Variants in CCDC171 observed in about 807,000 individuals in gnomAD.
CCDC171 encodes coiled-coil domain-containing protein 171.
CCDC171 carries 177 observed loss-of-function variants against 168.2 expected under a neutral mutation model. The ratio of observed to expected loss-of-function variants is 1.05; its 90% CI spans 0.93 to 1.19. The LOEUF is 1.19. Ranked by LOEUF, CCDC171 falls within the 50% of genes most tolerant of loss-of-function variation. The probability of loss-of-function intolerance (pLI) is 0.00; values close to 1 mark genes in which losing one functional copy is unlikely to be tolerated. For missense variants in CCDC171, 1,991 were observed against 1,539.0 expected (o/e 1.29, Z -4.91); for synonymous variants, 687 against 540.8 (o/e 1.27, Z -3.75).
chr9:15,611,428 G>T (rs1564047190), intron 6 of CCDC171, among the ~76,000 whole-genome samples: 1 of 152,166 alleles, frequency 6.6e-6, no homozygotes, highest in Non-Finnish European at 1.5e-5. Context: ...CTCTTTGGAT[G>T]TGGAGCCCTT....
At chr9:16,042,143 A>G (rs1037390224), upstream of CCDC171, among the ~76,000 whole-genome samples, 1 of 152,214 alleles carries the variant, frequency 6.6e-6, no homozygotes, top group African/African-American at 2.4e-5. Context: ...TTGCGAAGCT[A>G]GTGGTATCCA....
chr9:15,808,365 G>A (rs1242742817), intron 21 of CCDC171, among the ~76,000 whole-genome samples: 1 of 152,162 alleles, frequency 6.6e-6, no homozygotes, highest in Non-Finnish European at 1.5e-5. Context: ...ACATGAGTTT[G>A]CATTGTTTTT....
intron 21 of CCDC171, among the ~76,000 whole-genome samples, chr9:15,809,057 A>C (rs763465150): frequency 6.6e-6 from 1 of 152,192 alleles, no homozygotes; most frequent in African/African-American, 2.4e-5. Flanking sequence ...GTGCTCGTCC[A>C]TGATGGTTTA....
At position 15,623,342 on chromosome 9, in the gene CCDC171, C is replaced by G. The variant is rs767579990; in HGVS notation, c.751C>G (p.Leu251Val). Residue 251 changes from leucine (L) to valine (V), a missense_variant, in exon 7 of 26, where the codon CTT becomes GTT. Coordinates refer to ENST00000380701, the MANE Select transcript of CCDC171 (RefSeq NM_173550.4). ...LETEHMDCSDLLRRQTSELEF... is the reference protein window; with the variant it reads ...LETEHMDCSDVLRRQTSELEF... Reference sequence around the variant, plus strand: ...AACAGAACATATGGACTGCTCTGACCTTTTACGGCGACAAACAAGTGAACT... The same window carrying G: ...AACAGAACATATGGACTGCTCTGACGTTTTACGGCGACAAACAAGTGAACT... 5.6e-6 allele frequency: 9 copies of G among 1,611,568 alleles called. No homozygotes were observed. Among genetic ancestry groups the G allele is most frequent in the South Asian group, 2.2e-5 (2 of 90,688 alleles).
At chr9:15,949,728 A>G (rs918465799) in intron 25 of CCDC171, among the ~76,000 whole-genome samples, 1 of 152,090 alleles carries the variant, frequency 6.6e-6, no homozygotes, top group Non-Finnish European at 1.5e-5. Flanking sequence ...GGTTTTCTAG[A>G]TATACAATCA....
intron 21 of CCDC171, among the ~76,000 whole-genome samples, chr9:15,824,003 C>G (rs536476065): frequency 1.3e-5 from 2 of 152,198 alleles, no homozygotes; most frequent in African/African-American, 4.8e-5. Flanking sequence ...AGCATTGAAT[C>G]TGATTTTCCC....
chr9:15,808,467 T>G (rs1271668527), intron 21 of CCDC171, among the ~76,000 whole-genome samples: 1 of 152,146 alleles, frequency 6.6e-6, no homozygotes, highest in African/African-American at 2.4e-5. Context: ...AATGAATCAA[T>G]CATTGGATGT....
chr9:15,694,692 G>A (rs2055774), intron 10 of CCDC171, among the ~76,000 whole-genome samples: 142,264 of 152,278 alleles, frequency 0.93, 66,570 homozygotes, highest in East Asian at 1. Context: ...ACCCAATGCA[G>A]TTTTACTAAA....
At chr9:15,791,533 A>G (rs1468883714) in intron 21 of CCDC171, among the ~76,000 whole-genome samples, 2 of 152,246 alleles carry the variant, frequency 1.3e-5, no homozygotes, top group Non-Finnish European at 2.9e-5. Flanking sequence ...CAATCATGTC[A>G]TCTGCAAACA....
chr9:16,033,420 T>C lies in CCDC171; in HGVS notation n.999-2037T>C, dbSNP rs143202683. ...GAACAGCAGCGGCATTAGATTCTCATAGGAGCGCAAGCCCTGTTGTAAACC... is the reference window on the plus strand; with the variant it reads ...GAACAGCAGCGGCATTAGATTCTCACAGGAGCGCAAGCCCTGTTGTAAACC... On this transcript the variant is annotated intron_variant and non_coding_transcript_variant, in intron 6 of 9. Transcript: ENST00000486641. Among the ~76,000 whole-genome samples, 1,272 of 152,268 alleles carry C rather than the reference T, an allele frequency of 8.4e-3. 7 individuals carry two copies. The highest frequency in any genetic ancestry group is 0.014 in the Non-Finnish European group (981 of 68,008).
chr9:15,646,428 A>C (rs1211263639), intron 7 of CCDC171, among the ~76,000 whole-genome samples: 1 of 152,208 alleles, frequency 6.6e-6, no homozygotes, highest in East Asian at 1.9e-4. Context: ...AAATGGGCTA[A>C]ATGCTCCAAT....
At chr9:15,642,906 A>G (rs534960192) in intron 7 of CCDC171, among the ~76,000 whole-genome samples, 32 of 152,238 alleles carry the variant, frequency 2.1e-4, no homozygotes, top group Non-Finnish European at 4.1e-4. Flanking sequence ...GAAAACTTGA[A>G]TTTTCGATTC....
At chr9:16,067,680 T>C in the CCDC171 span, among the ~76,000 whole-genome samples, 317 of 152,356 alleles carry the variant, frequency 2.1e-3, 1 homozygote, top group African/African-American at 7.5e-3. Context: ...TTTCTACATA[T>C]GGCTAGCCAG....
intron 6 of CCDC171, among the ~76,000 whole-genome samples, chr9:15,619,177 A>C (rs1170063427): frequency 6.6e-6 from 1 of 152,062 alleles, no homozygotes; most frequent in Admixed American, 6.5e-5. Flanking sequence ...TTAACTCTAC[A>C]GTGTCCTCTA....
intron 8 of CCDC171, among the ~76,000 whole-genome samples, chr9:15,658,246 G>C (rs563802323): frequency 1.3e-5 from 2 of 152,296 alleles, no homozygotes; most frequent in Admixed American, 6.5e-5. Context: ...GTCCTTTTTC[G>C]TGCTAAGAAA....
chr9:15,554,830 C>T (rs1320086816), intron 1 of CCDC171, among the ~76,000 whole-genome samples: 1 of 152,162 alleles, frequency 6.6e-6, no homozygotes, highest in Non-Finnish European at 1.5e-5. Flanking sequence ...AATTATTCAA[C>T]ATCTCCAAGC....
At chr9:15,644,254 A>G (rs1215842132) in intron 7 of CCDC171, among the ~76,000 whole-genome samples, 1 of 152,126 alleles carries the variant, frequency 6.6e-6, no homozygotes, top group African/African-American at 2.4e-5. Flanking sequence ...AATTATAGCC[A>G]TCTGGTTTTG....
At chr9:15,799,843 T>A (rs2135759099) in intron 21 of CCDC171, among the ~76,000 whole-genome samples, 2 of 152,254 alleles carry the variant, frequency 1.3e-5, no homozygotes, top group South Asian at 4.1e-4. Context: ...TTTGGATTTT[T>A]AGCCCCTCCA....
At chr9:15,692,530 CT>C (rs1373727093) in intron 10 of CCDC171, among the ~76,000 whole-genome samples, 1,806 of 142,584 alleles carry the variant, frequency 0.013, 10 homozygotes, top group Non-Finnish European at 0.019. Flanking sequence ...ATCATTACTA[CT>C]TTTTTTTTTT....
Sources: allele counts gnomAD v4.1 joint callset (sites outside exome capture counted in the v4.1 genomes callset), GRCh38; gene constraint gnomAD v4.1.1; transcripts MANE v1.5; gene names NCBI Gene and HGNC (gene_info 2026-07-23, HGNC 2026-07-21).